The following DIS3L2 variants were observed in gnomAD, a reference collection of about 807,000 sequenced individuals.
DIS3L2 encodes DIS3 like 3'-5' exoribonuclease 2.
A neutral mutation model predicts 97.5 loss-of-function variants in DIS3L2; 34 were observed. The observed-to-expected ratio is 0.35, with a 90% confidence interval of 0.27 to 0.46. DIS3L2 has a LOEUF of 0.46. Ranked by LOEUF, DIS3L2 falls within the 20% of genes least tolerant of loss-of-function variation. DIS3L2 has a pLI of 1.00. For synonymous variants in DIS3L2, 435 were observed against 445.2 expected, an observed-to-expected ratio of 0.98 and a Z score of 0.29; for missense variants, 1,038 against 1,146.0, an observed-to-expected ratio of 0.91 and a Z score of 1.36.
chr2:232,247,641 GGGA>G (rs1182481795), intron 11 of DIS3L2, among the ~76,000 whole-genome samples: 19 of 78,320 alleles, frequency 2.4e-4, no homozygotes, highest in East Asian at 5.7e-4. Flanking sequence ...GGGGGCGGGG[GGGA>G]GGGTGCCAAT....
chr2:232,072,228 C>T (rs960226504), intron 5 of DIS3L2, among the ~76,000 whole-genome samples: 2 of 151,850 alleles, frequency 1.3e-5, no homozygotes, highest in Admixed American at 1.3e-4. Flanking sequence ...AAATAAAATA[C>T]TACATGTAGC....
chr2:232,078,019 T>TTCTTTCTTTC (rs1297392014), intron 5 of DIS3L2, among the ~76,000 whole-genome samples: 17 of 94,824 alleles, frequency 1.8e-4, no homozygotes, highest in East Asian at 1.0e-3. Context: ...CTTTCTTTCT[T>TTCTTTCTTTC]TTTCTCTTTC....
chr2:232,231,354 G>C (rs1029299856), intron 10 of DIS3L2, among the ~76,000 whole-genome samples: 3 of 152,126 alleles, frequency 2.0e-5, no homozygotes, highest in Non-Finnish European at 2.9e-5. Context: ...AAAGTCCCAG[G>C]GGCCATATGC....
chr2:232,050,136 T>C (rs1485198316), intron 5 of DIS3L2, among the ~76,000 whole-genome samples: 1 of 152,226 alleles, frequency 6.6e-6, no homozygotes, highest in Non-Finnish European at 1.5e-5. Context: ...TGGAGCTTTC[T>C]ACAGTGATTT....
chr2:232,047,478 G>T (rs1695273743), intron 5 of DIS3L2, among the ~76,000 whole-genome samples: 2 of 152,166 alleles, frequency 1.3e-5, no homozygotes, highest in African/African-American at 4.8e-5. Context: ...TTTGTAATTG[G>T]AATTGTCTTT....
intron 5 of DIS3L2, among the ~76,000 whole-genome samples, chr2:232,051,121 G>T (rs796781476): frequency 1.8e-4 from 28 of 152,234 alleles, no homozygotes; most frequent in African/African-American, 6.5e-4. Flanking sequence ...TTATATTCAT[G>T]GTGTTAAGGT....
chr2:232,204,208 G>T (rs1461642515), intron 9 of DIS3L2, among the ~76,000 whole-genome samples: 1 of 152,158 alleles, frequency 6.6e-6, no homozygotes, highest in South Asian at 2.1e-4. Context: ...TTGCTGTGGC[G>T]ACTAGACAGC....
intron 6 of DIS3L2, among the ~76,000 whole-genome samples, chr2:232,116,184 G>GAATAAATAAATAAATA (rs74584053): frequency 2.8e-5 from 1 of 35,616 alleles, no homozygotes. Flanking sequence ...ATAAATAAAT[G>GAATAAATAAATAAATA]AATAAATAAA....
intron 13 of DIS3L2, among the ~76,000 whole-genome samples, chr2:232,298,894 T>C (rs1694788506): frequency 6.6e-6 from 1 of 152,222 alleles, no homozygotes; most frequent in Non-Finnish European, 1.5e-5. Context: ...AGCACTGCCC[T>C]CTGGAATCCA....
chr2:232,194,897 A>G (rs1273406966), intron 9 of DIS3L2, among the ~76,000 whole-genome samples: 1 of 152,156 alleles, frequency 6.6e-6, no homozygotes, highest in African/African-American at 2.4e-5. Flanking sequence ...GTAGCACTCC[A>G]TTCTTCACTA....
At chr2:232,227,702 G>C (rs373071599) in intron 10 of DIS3L2, among the ~76,000 whole-genome samples, 1 of 152,314 alleles carries the variant, frequency 6.6e-6, no homozygotes, top group Admixed American at 6.5e-5. Context: ...TCCAGTGTGA[G>C]AGAAAAGCCA....
At chr2:232,175,311 G>T (rs962760086) in intron 9 of DIS3L2, among the ~76,000 whole-genome samples, 1 of 151,970 alleles carries the variant, frequency 6.6e-6, no homozygotes, top group African/African-American at 2.4e-5. Flanking sequence ...TTATTAATCT[G>T]TTTCATTGAT....
At chr2:231,970,507 T>C (rs1233049211) in intron 1 of DIS3L2, among the ~76,000 whole-genome samples, 3 of 152,194 alleles carry the variant, frequency 2.0e-5, no homozygotes, top group African/African-American at 7.2e-5. Context: ...AATAGAATGC[T>C]AAGTATTTAT....
chr2:232,313,979 C>T (rs1360965664), intron 14 of DIS3L2, among the ~76,000 whole-genome samples: 3 of 152,228 alleles, frequency 2.0e-5, no homozygotes, highest in Admixed American at 1.3e-4. Context: ...TCTCCCACCA[C>T]GTCCCTCCCA....
intron 16 of DIS3L2, among the ~76,000 whole-genome samples, chr2:232,332,859 C>T (rs74546733): frequency 0.05 from 7,618 of 152,184 alleles, 233 homozygotes; most frequent in Admixed American, 0.091. Context: ...GGGATGAGGA[C>T]GGCCCCGACC....
chr2:232,096,213 A>T (rs2106318659), intron 6 of DIS3L2, among the ~76,000 whole-genome samples: 1 of 151,694 alleles, frequency 6.6e-6, no homozygotes, highest in African/African-American at 2.4e-5. Flanking sequence ...CGGCCTCCCG[A>T]GTAGCTGGGA....
chr2:232,309,138 G>A (rs996381991), intron 14 of DIS3L2, among the ~76,000 whole-genome samples: 3 of 152,176 alleles, frequency 2.0e-5, no homozygotes, highest in African/African-American at 7.2e-5. Context: ...GTCACTGCTG[G>A]TGAGTCTTTG....
intron 6 of DIS3L2, among the ~76,000 whole-genome samples, chr2:232,094,389 G>A (rs913126490): frequency 6.6e-6 from 1 of 152,018 alleles, no homozygotes; most frequent in Non-Finnish European, 1.5e-5. Context: ...TTCTGTCTGC[G>A]AGATCTGTCA....
intron 5 of DIS3L2, among the ~76,000 whole-genome samples, chr2:232,045,702 TCTCG>T (rs1213599585): frequency 5.6e-5 from 7 of 125,634 alleles, no homozygotes; most frequent in African/African-American, 2.1e-4. Flanking sequence ...TGAGATAGAG[TCTCG>T]CTCTGTTGCC....
Sources: allele counts gnomAD v4.1 joint callset (sites outside exome capture counted in the v4.1 genomes callset), GRCh38; gene constraint gnomAD v4.1.1; transcripts MANE v1.5; gene names NCBI Gene and HGNC (gene_info 2026-07-23, HGNC 2026-07-21).